Variants in TUBB8 observed in about 807,000 individuals in gnomAD.
TUBB8 encodes the protein tubulin beta 8 class VIII.
In TUBB8, 25 loss-of-function variants were observed where a neutral mutation model predicts 33.7. The ratio of observed to expected loss-of-function variants is 0.74; its 90% confidence interval spans 0.54 to 1.04. The LOEUF is 1.04. Among genes scored for constraint, TUBB8 ranks in the 50% least tolerant of loss-of-function variants. The pLI is 0.00. For synonymous variants in TUBB8, 245 were observed against 240.1 expected (o/e 1.02, Z -0.19); for missense variants, 279 against 608.0 (o/e 0.46, Z 5.69).
At chr10:55,387 G>A (rs544554301) in intron 1 of TUBB8, among the ~76,000 whole-genome samples, 7 of 152,236 alleles carry the variant, frequency 4.6e-5, no homozygotes, top group Non-Finnish European at 7.4e-5. Flanking sequence ...ATATCACATC[G>A]CTATTAATTG....
intron 1 of TUBB8, among the ~76,000 whole-genome samples, chr10:61,271 C>A (rs1444852461): frequency 6.6e-6 from 1 of 151,920 alleles, no homozygotes; most frequent in African/African-American, 2.4e-5. Context: ...ATAATAGTAC[C>A]TCTTTTACCA....
chr10:60,201 T>A (rs1385127019), intron 1 of TUBB8, among the ~76,000 whole-genome samples: 1 of 152,148 alleles, frequency 6.6e-6, no homozygotes, highest in Non-Finnish European at 1.5e-5. Flanking sequence ...TGTTAGGTTA[T>A]TTATTTGCAG....
At position 47,019 on chromosome 10, in the gene TUBB8, C is replaced by T; in HGVS notation, c.*38G>A. The T allele has an allele frequency of 7.2e-6, 5 of 691,124 alleles. No individual in the cohort carries two copies. The highest frequency in any genetic ancestry group is 1.2e-5 in the Non-Finnish European group (5 of 401,970). The allele number at this position is 691,124 out of a possible 1,614,324, so 42.8% of individuals were successfully genotyped here. A position where few individuals can be genotyped will look rare whatever the true frequency, so the allele number is the denominator to read the frequency against. ...TGGCTGTCAGAACACAGTAAAGAAT[C>T]CACACTGCTTCCCCCCTTTACCTAG... On this transcript the variant is annotated 3_prime_UTR_variant, in exon 4 of 4. Coordinates refer to ENST00000568584, the MANE Select transcript of TUBB8 (RefSeq NM_177987.3).
intron 1 of TUBB8, among the ~76,000 whole-genome samples, chr10:64,942 G>GTGGAT (rs1834650117): frequency 7.1e-6 from 1 of 141,322 alleles, no homozygotes; most frequent in Admixed American, 7.5e-5. Context: ...CTTGAGACCA[G>GTGGAT]CCTGGTCAAC....
At chr10:64,979 A>T (rs1372367364) in intron 1 of TUBB8, among the ~76,000 whole-genome samples, 37 of 13,694 alleles carry the variant, frequency 2.7e-3, no homozygotes, top group Middle Eastern at 0.042. Flanking sequence ...CTCCACTAAA[A>T]AAAAAAAAAA....
chr10:48,408 C>G (rs1834400331), intron 3 of TUBB8: 1 of 649,660 alleles, frequency 1.5e-6, no homozygotes, highest in African/African-American at 1.8e-5. Flanking sequence ...AGGGAGTTTA[C>G]ATCAGTAACT....
chr10:56,606 T>C (rs1834534013), intron 1 of TUBB8, among the ~76,000 whole-genome samples: 1 of 149,994 alleles, frequency 6.7e-6, no homozygotes, highest in Non-Finnish European at 1.5e-5. Flanking sequence ...CACTTGTAGA[T>C]AACCAGGTCT....
At chr10:57,537 T>TAAC (rs1554740311) in intron 1 of TUBB8, among the ~76,000 whole-genome samples, 1 of 152,030 alleles carries the variant, frequency 6.6e-6, no homozygotes, top group Non-Finnish European at 1.5e-5. Flanking sequence ...CTCACAGGCC[T>TAAC]AACACCATAT....
At chr10:50,183 A>G (rs1445444163), upstream of TUBB8, 9 of 152,454 alleles carry the variant, frequency 5.9e-5, no homozygotes, top group African/African-American at 2.2e-4. Context: ...TGTCAGGCAC[A>G]AAGCTCACAG....
rs201347354 is a variant in TUBB8 at position 72,979 on chromosome 10, A to G, written c.-846+990T>C. Among the ~76,000 whole-genome samples, 721 of 131,872 alleles carry G rather than the reference A, an allele frequency of 5.5e-3. 11 individuals carry two copies. Among genetic ancestry groups the G allele is most frequent in the African/African-American group, 0.024 (694 of 28,388 alleles). 86.5% of individuals were successfully genotyped at this position (131,872 alleles called of 152,430 possible). A position where few individuals can be genotyped will look rare whatever the true frequency, so the allele number is the denominator to read the frequency against. ...TATTTAAAATGCTGAAGGCCAAGGG[A>G]AAAAAAAAAAGATTAGTGACTTTCT... On this transcript the variant is annotated intron_variant, in intron 1 of 3. Coordinates refer to the TUBB8 transcript ENST00000564130.
upstream of TUBB8, among the ~76,000 whole-genome samples, chr10:51,543 T>G (rs539992620): frequency 1.5e-4 from 23 of 152,322 alleles, no homozygotes; most frequent in African/African-American, 5.1e-4. Flanking sequence ...TCTTTATAAA[T>G]TACCCAGCCT....
upstream of TUBB8, among the ~76,000 whole-genome samples, chr10:75,949 G>A (rs1279832929): frequency 2.0e-5 from 3 of 151,928 alleles, no homozygotes; most frequent in African/African-American, 7.2e-5. Flanking sequence ...GACCAGCCTG[G>A]CCAACATAGT....
At chr10:62,367 C>G (rs1177860755) in intron 1 of TUBB8, among the ~76,000 whole-genome samples, 1 of 146,514 alleles carries the variant, frequency 6.8e-6, no homozygotes, top group African/African-American at 2.4e-5. Flanking sequence ...AAGAAACAAG[C>G]AAAGCAACTA....
chr10:49,347 T>G, upstream of TUBB8: 1 of 1,143,734 alleles, frequency 8.7e-7, no homozygotes, highest in Non-Finnish European at 1.3e-6. Flanking sequence ...CCCACCTCCC[T>G]CCGCCTCGGA....
intron 1 of TUBB8, among the ~76,000 whole-genome samples, chr10:72,351 G>C (rs1248376495): frequency 5.9e-5 from 9 of 151,854 alleles, no homozygotes; most frequent in Non-Finnish European, 1.0e-4. Flanking sequence ...TTGAGGTCAG[G>C]AGTTCGAGAC....
chr10:60,786 T>C (rs1356146200), intron 1 of TUBB8, among the ~76,000 whole-genome samples: 7 of 152,058 alleles, frequency 4.6e-5, no homozygotes, highest in South Asian at 2.1e-4. Context: ...CGTATGTTTA[T>C]TGCGGCACTA....
At chr10:64,172 A>G (rs1240958162) in intron 1 of TUBB8, among the ~76,000 whole-genome samples, 1 of 152,118 alleles carries the variant, frequency 6.6e-6, no homozygotes, top group Non-Finnish European at 1.5e-5. Context: ...GGCCACCACC[A>G]CTGAGACTGT....
In TUBB8 at chr10:48,750, C is replaced by G. The variant is rs377516122; in HGVS notation, c.167-25G>C. The G allele has an allele frequency of 9.3e-6, 15 of 1,606,376 alleles. No homozygotes were observed. The African/African-American group carries it at 1.5e-4, about 16-fold the overall frequency. ...CCTGCGTGGGGCGGGAGGGCATGAG[C>G]GAGGGGAGGGCCGCGTTCCCAGGAG... On this transcript the variant is annotated intron_variant, in intron 2 of 3. Transcript: ENST00000568584.
intron 1 of TUBB8, among the ~76,000 whole-genome samples, chr10:72,281 G>T (rs148537598): frequency 1.3e-5 from 2 of 150,516 alleles, no homozygotes; most frequent in Non-Finnish European, 1.5e-5. Flanking sequence ...GCAGCCAGGC[G>T]TGGTGGCTCA....
Sources: gnomAD v4.1 joint callset for allele counts (sites outside exome capture counted in the v4.1 genomes callset) on GRCh38, gnomAD v4.1.1 for gene constraint, MANE v1.5 for transcripts, NCBI Gene and HGNC (gene_info 2026-07-23, HGNC 2026-07-21) for gene names.